The following HERC3 variants were observed in gnomAD, a reference collection of about 807,000 sequenced individuals.
The protein encoded by HERC3 is probable E3 ubiquitin-protein ligase HERC3.
Under a neutral mutation model 129.9 loss-of-function variants are expected in HERC3, and 58 were observed. The observed-to-expected ratio is 0.45, with a 90% CI of 0.36 to 0.56. The LOEUF (loss-of-function observed/expected upper bound fraction) is 0.56, where lower values mean the gene tolerates loss of function less well. Ranked by LOEUF, HERC3 falls within the 20% of genes least tolerant of loss-of-function variation. The pLI is 0.00. For missense variants in HERC3, 835 were observed against 1,244.2 expected (o/e 0.67, Z 4.95); for synonymous variants, 430 against 451.0 (o/e 0.95, Z 0.59).
At chr4:88,690,173 A>G (rs1450648278) in intron 23 of HERC3, 2 of 985,034 alleles carry the variant, frequency 2.0e-6, no homozygotes, top group Non-Finnish European at 2.4e-6. Context: ...TTGGGGCTAA[A>G]AGCAGTTTCC....
At chr4:88,579,409 AAAACAAAC>A in the HERC3 span, among the ~76,000 whole-genome samples, 19 of 152,010 alleles carry the variant, frequency 1.2e-4, no homozygotes, top group South Asian at 2.3e-3. Flanking sequence ...TCCATCTGAA[AAAACAAAC>A]AAACAAACAA....
the HERC3 span, among the ~76,000 whole-genome samples, chr4:88,529,931 T>C: frequency 2.6e-5 from 4 of 152,218 alleles, no homozygotes; most frequent in African/African-American, 9.6e-5. Context: ...GTTCAGTAAA[T>C]ATTGATCACT....
the HERC3 span, among the ~76,000 whole-genome samples, chr4:88,540,614 T>C: frequency 6.6e-6 from 1 of 152,026 alleles, no homozygotes; most frequent in African/African-American, 2.4e-5. Context: ...AGATACTCCT[T>C]GAGAAGAGCA....
chr4:88,577,962 C>A, the HERC3 span, among the ~76,000 whole-genome samples: 1 of 152,238 alleles, frequency 6.6e-6, no homozygotes, highest in South Asian at 2.1e-4. Context: ...ATGTGACAGG[C>A]AGATTCTGTA....
chr4:88,677,381 C>T (rs999032514), intron 18 of HERC3, among the ~76,000 whole-genome samples: 6 of 152,038 alleles, frequency 3.9e-5, no homozygotes, highest in Non-Finnish European at 7.4e-5. Context: ...TGTGAATTAG[C>T]GGCTCAAATC....
intron 3 of HERC3, among the ~76,000 whole-genome samples, chr4:88,610,511 C>T (rs1384022028): frequency 6.6e-6 from 1 of 151,314 alleles, no homozygotes; most frequent in Non-Finnish European, 1.5e-5. Context: ...TAGTAGGTTT[C>T]AGTCTCATTT....
At chr4:88,676,801 TGTG>T (rs1732216921) in intron 18 of HERC3, among the ~76,000 whole-genome samples, 1 of 152,206 alleles carries the variant, frequency 6.6e-6, no homozygotes. Context: ...AATTTTTACA[TGTG>T]GTGAAAGATT....
intron 2 of HERC3, among the ~76,000 whole-genome samples, chr4:88,601,587 G>T (rs966354738): frequency 6.6e-6 from 1 of 152,162 alleles, no homozygotes; most frequent in African/African-American, 2.4e-5. Context: ...CACCATTTCT[G>T]TTAGAATCCA....
intron 3 of HERC3, among the ~76,000 whole-genome samples, chr4:88,612,835 C>CT (rs968905815): frequency 6.6e-5 from 10 of 151,738 alleles, no homozygotes; most frequent in Admixed American, 3.9e-4. Context: ...AAAACATAAG[C>CT]TTTTTTTTCC....
intron 3 of HERC3, among the ~76,000 whole-genome samples, chr4:88,616,122 G>A (rs561821137): frequency 1.3e-5 from 2 of 152,220 alleles, no homozygotes; most frequent in South Asian, 2.1e-4. Context: ...TTAAGGGAGA[G>A]TTTATATTAT....
intron 3 of HERC3, among the ~76,000 whole-genome samples, chr4:88,625,757 C>T (rs962687842): frequency 1.3e-5 from 2 of 152,122 alleles, no homozygotes; most frequent in African/African-American, 4.8e-5. Context: ...ATTCATCTTT[C>T]ACCATTAAGT....
At chr4:88,564,191 T>C in the HERC3 span, among the ~76,000 whole-genome samples, 1 of 152,236 alleles carries the variant, frequency 6.6e-6, no homozygotes, top group African/African-American at 2.4e-5. Flanking sequence ...TTCGGTTTGC[T>C]AACATTTTGT....
chr4:88,697,809 G>A (rs368490802), intron 23 of HERC3: 47 of 1,528,134 alleles, frequency 3.1e-5, no homozygotes, highest in Non-Finnish European at 3.9e-5. Context: ...CCCTGCACCC[G>A]AGCTGGTCCA....
the HERC3 span, among the ~76,000 whole-genome samples, chr4:88,541,196 A>G: frequency 6.6e-6 from 1 of 152,314 alleles, no homozygotes; most frequent in Non-Finnish European, 1.5e-5. Flanking sequence ...CAGGAGACCT[A>G]TCTCACGTGC....
chr4:88,570,663 TA>T, the HERC3 span, among the ~76,000 whole-genome samples: 1 of 152,232 alleles, frequency 6.6e-6, no homozygotes, highest in Non-Finnish European at 1.5e-5. Context: ...TATTTTATTG[TA>T]TATTCACTTT....
the HERC3 span, among the ~76,000 whole-genome samples, chr4:88,572,564 A>T: frequency 1.3e-5 from 2 of 152,134 alleles, no homozygotes. Context: ...TAGTCCCAGC[A>T]CTTTGGGAGG....
At chr4:88,649,418 G>C (rs950356968) in intron 3 of HERC3, among the ~76,000 whole-genome samples, 4 of 152,122 alleles carry the variant, frequency 2.6e-5, no homozygotes, top group Non-Finnish European at 4.4e-5. Context: ...GTTTGTATGT[G>C]GGGGGAGAGG....
At position 88,702,949 on chromosome 4, in the gene HERC3, G is replaced by A. The variant is rs116939223; in HGVS notation, c.2658-1149G>A. 1.3e-3 allele frequency among the ~76,000 whole-genome samples: 191 copies of A among 152,226 alleles called. 6 individuals are homozygous for A. In the East Asian group the frequency reaches 0.033, roughly 26 times the overall value. On this transcript the variant is annotated intron_variant, in intron 23 of 25. Coordinates refer to ENST00000402738, the MANE Select transcript of HERC3 (RefSeq NM_014606.3). The stretch of plus-strand genomic sequence containing the variant: ...ACCCACAATCTGCAGCAACCTGCCC[G>A]GGAAACCAACCTCTTATCTGCAATA...
chr4:88,624,442 C>T lies in HERC3; in HGVS notation c.226+18393C>T, dbSNP rs370644471. ...TTGGTATGTAGTGGAATCTCCTTGT[C>T]GTTTTAATATACACTTCCTTAATGA... On this transcript the variant is annotated intron_variant, in intron 3 of 25. Coordinates refer to ENST00000402738, the MANE Select transcript of HERC3 (RefSeq NM_014606.3). Among the ~76,000 whole-genome samples, 15 of 152,124 alleles carry T rather than the reference C, an allele frequency of 9.9e-5. No homozygotes were observed. In the East Asian group the frequency reaches 1.7e-3, roughly 18 times the overall value.
Sources: allele counts gnomAD v4.1 joint callset (sites outside exome capture counted in the v4.1 genomes callset), GRCh38; gene constraint gnomAD v4.1.1; transcripts MANE v1.5; gene names NCBI Gene and HGNC (gene_info 2026-07-23, HGNC 2026-07-21).